The following PDZD2 variants were observed in gnomAD, a reference collection of about 807,000 sequenced individuals.
PDZD2 encodes PDZ domain-containing protein 2.
Under a neutral mutation model 220.7 loss-of-function variants are expected in PDZD2, and 90 were observed. That is an observed-to-expected ratio of 0.41 (90% CI 0.34 to 0.49). PDZD2 has a LOEUF of 0.49. Among genes scored for constraint, PDZD2 ranks in the 20% least tolerant of loss-of-function variants. The probability of loss-of-function intolerance (pLI) is 0.28; values close to 1 mark genes in which losing one functional copy is unlikely to be tolerated. For synonymous variants in PDZD2, 1,375 were observed against 1,450.5 expected, an observed-to-expected ratio of 0.95 and a Z score of 1.18; for missense variants, 3,174 against 3,608.5, an observed-to-expected ratio of 0.88 and a Z score of 3.08.
At chr5:31,773,584 A>AG (rs1752463712) in intron 1 of PDZD2, among the ~76,000 whole-genome samples, 1 of 152,202 alleles carries the variant, frequency 6.6e-6, no homozygotes, top group South Asian at 2.1e-4. Context: ...CAAGAGGCAG[A>AG]GGTTACAGTG....
chr5:31,834,550 C>T (rs1260295023), intron 2 of PDZD2, among the ~76,000 whole-genome samples: 1 of 152,126 alleles, frequency 6.6e-6, no homozygotes, highest in Non-Finnish European at 1.5e-5. Context: ...TTTGCACATA[C>T]CTTTCTGCTA....
At chr5:31,786,335 C>T (rs1753377206) in intron 1 of PDZD2, among the ~76,000 whole-genome samples, 1 of 152,192 alleles carries the variant, frequency 6.6e-6, no homozygotes, top group East Asian at 1.9e-4. Context: ...TGTGGGGCCT[C>T]AGTGGAAACC....
chr5:32,101,311 T>A, intron 24 of PDZD2, 72 bp downstream of exon 24: 1 of 1,369,458 alleles, frequency 7.3e-7, no homozygotes, highest in Non-Finnish European at 1.0e-6. Flanking sequence ...ATGAAAAAAA[T>A]GCCTTCCATT....
intron 1 of PDZD2, among the ~76,000 whole-genome samples, chr5:31,645,784 T>C (rs1038237921): frequency 2.6e-5 from 4 of 152,122 alleles, no homozygotes; most frequent in African/African-American, 9.7e-5. Context: ...AGCACTCATA[T>C]AGTGTAGAAT....
intron 2 of PDZD2, among the ~76,000 whole-genome samples, chr5:31,858,224 A>G (rs1162147152): frequency 6.6e-6 from 1 of 152,026 alleles, no homozygotes; most frequent in Non-Finnish European, 1.5e-5. Flanking sequence ...TGGCCTCCCA[A>G]AGTGCTGGGA....
chr5:31,994,849 T>G (rs1490413017), intron 3 of PDZD2, among the ~76,000 whole-genome samples: 1 of 152,238 alleles, frequency 6.6e-6, no homozygotes, highest in South Asian at 2.1e-4. Flanking sequence ...TATAGTTACC[T>G]ATCAACATTT....
intron 2 of PDZD2, among the ~76,000 whole-genome samples, chr5:31,919,539 G>T (rs551729769): frequency 2.3e-4 from 35 of 151,932 alleles, no homozygotes; most frequent in Admixed American, 1.1e-3. Flanking sequence ...TAGAGACAGG[G>T]TTTCACCATG....
chr5:31,715,401 C>G (rs560108921), intron 1 of PDZD2, among the ~76,000 whole-genome samples: 1 of 152,154 alleles, frequency 6.6e-6, no homozygotes, highest in Non-Finnish European at 1.5e-5. Flanking sequence ...TATGGGTCAT[C>G]CAGCATCCCC....
intron 19 of PDZD2, among the ~76,000 whole-genome samples, chr5:32,085,731 G>GCCA (rs1742383849): frequency 6.6e-6 from 1 of 152,010 alleles, no homozygotes; most frequent in South Asian, 2.1e-4. Context: ...ACAGGCGTGA[G>GCCA]CCACCATGCC....
rs201461332 is a variant in PDZD2, at chr5:32,087,117, C to T, written c.3683-14C>T. 7.9e-6 allele frequency: 12 copies of T among 1,523,502 alleles called. No homozygotes were observed. Among genetic ancestry groups the T allele is most frequent in the African/African-American group, 6.9e-5 (5 of 72,852 alleles). 94.4% of individuals were successfully genotyped at this position (1,523,502 alleles called of 1,614,324 possible). A position where few individuals can be genotyped will look rare whatever the true frequency, so the allele number is the denominator to read the frequency against. On this transcript the variant is annotated splice_polypyrimidine_tract_variant and intron_variant, in intron 19 of 24. Transcript: ENST00000438447. This position sits in a 1 kb window ranked among gnomAD's most constrained non-coding sequence, Gnocchi z 4.0. ...CTCCTGTGTATGTACCTTCTGTTTA[C>T]GTTCCCCACGTAGAACTGGACAGCT...
intron 8 of PDZD2, among the ~76,000 whole-genome samples, chr5:32,052,233 C>T (rs1738630264): frequency 6.6e-6 from 1 of 152,138 alleles, no homozygotes; most frequent in African/African-American, 2.4e-5. Flanking sequence ...GCAACCTCCA[C>T]CTCCCAGGTT....
chr5:32,065,021 C>T (rs1363874681), intron 14 of PDZD2, among the ~76,000 whole-genome samples: 13 of 151,428 alleles, frequency 8.6e-5, no homozygotes, highest in East Asian at 1.9e-4. Context: ...ACCTCTTGGC[C>T]GGGTGCAGTG....
chr5:31,921,827 C>G (rs550327232), intron 2 of PDZD2, among the ~76,000 whole-genome samples: 1 of 152,222 alleles, frequency 6.6e-6, no homozygotes, highest in East Asian at 1.9e-4. Flanking sequence ...TTTAGTTGGT[C>G]AGTGCTGGGA....
intron 2 of PDZD2, among the ~76,000 whole-genome samples, chr5:31,949,013 G>T (rs961496004): frequency 1.4e-5 from 2 of 146,372 alleles, no homozygotes; most frequent in African/African-American, 5.1e-5. Flanking sequence ...CAGGAGAATT[G>T]CTTGAACCCA....
At chr5:32,023,932 G>A (rs1196423604) in intron 6 of PDZD2, among the ~76,000 whole-genome samples, 6 of 152,182 alleles carry the variant, frequency 3.9e-5, no homozygotes, top group African/African-American at 1.4e-4. Flanking sequence ...ATGCTGTCTT[G>A]CTCTGTCCCG....
Position 32,087,639 on chromosome 5 carries a change from G to A in PDZD2, c.4191G>A (p.Leu1397=). ...SRAPQASLSM[L]PSTDNTKEAC... ...CACCGCAGGCCAGCCTCTCCATGCT[G>A]CCATCCACTGACAACACCAAAGAAG... Residue 1397 remains leucine, a synonymous_variant, in exon 20 of 25, where the codon CTG becomes CTA. Coordinates refer to ENST00000438447, the MANE Select transcript of PDZD2 (RefSeq NM_178140.4). This position sits in a 1 kb window ranked among gnomAD's most constrained non-coding sequence, Gnocchi z 4.0. The A allele has an allele frequency of 6.2e-7, 1 of 1,614,196 alleles. No homozygotes were observed. Among genetic ancestry groups the A allele is most frequent in the Non-Finnish European group, 8.5e-7 (1 of 1,180,030 alleles).
chr5:31,936,038 C>T (rs1434472564), intron 2 of PDZD2: 4 of 958,792 alleles, frequency 4.2e-6, no homozygotes, highest in East Asian at 1.2e-4. Flanking sequence ...ACAAACACAG[C>T]GTGGCTGGAT....
rs1001705802 is a variant in PDZD2 at position 31,908,630 on chromosome 5, A to T, written c.477-74525A>T. ...AGAGAAGCCTACAAGAAATACATCA[A>T]AGGTTACGTGATATCAAAGACAAAC... On this transcript the variant is annotated intron_variant, in intron 2 of 24. Transcript: ENST00000438447. 5 of 995,988 alleles carry T rather than the reference A, an allele frequency of 5.0e-6. No individual in the cohort carries two copies. In the African/African-American group the frequency reaches 9.6e-5, roughly 19 times the overall value. The allele number at this position is 995,988 out of a possible 1,614,324, so 61.7% of individuals were successfully genotyped here.
chr5:32,032,474 G>A (rs1755202101), intron 6 of PDZD2, among the ~76,000 whole-genome samples: 1 of 152,122 alleles, frequency 6.6e-6, no homozygotes, highest in Non-Finnish European at 1.5e-5. Flanking sequence ...GTCCTCTTCT[G>A]GCAACTTCTG....
Sources: gnomAD v4.1 joint callset for allele counts (sites outside exome capture counted in the v4.1 genomes callset) on GRCh38, gnomAD v4.1.1 for gene constraint, Gnocchi (gnomAD v3.1) non-coding constraint, MANE v1.5 for transcripts, NCBI Gene and HGNC (gene_info 2026-07-23, HGNC 2026-07-21) for gene names.